Variants in MTBP observed in about 807,000 individuals in gnomAD.
MTBP encodes the protein mdm2-binding protein.
Under a neutral mutation model 117.0 loss-of-function variants are expected in MTBP, and 101 were observed. The ratio of observed to expected loss-of-function variants is 0.86; its 90% confidence interval spans 0.73 to 1.02. The LOEUF is 1.02. Ranked by LOEUF, MTBP falls within the 50% of genes least tolerant of loss-of-function variation. The pLI is 0.00. For missense variants in MTBP, 970 were observed against 1,030.9 expected, an observed-to-expected ratio of 0.94 and a Z score of 0.81; for synonymous variants, 350 against 351.5, an observed-to-expected ratio of 1.00 and a Z score of 0.05.
At chr8:120,460,404 A>G (rs1813558136) in intron 8 of MTBP, among the ~76,000 whole-genome samples, 1 of 152,134 alleles carries the variant, frequency 6.6e-6, no homozygotes, top group Admixed American at 6.6e-5. Context: ...TATGTTTATG[A>G]TTATAGATAT....
chr8:120,454,983 C>A (rs1813436888), intron 5 of MTBP, among the ~76,000 whole-genome samples: 2 of 151,748 alleles, frequency 1.3e-5, no homozygotes, highest in African/African-American at 2.4e-5. Context: ...AAAGAGACAT[C>A]ATTTATTTGA....
chr8:120,452,098 G>T (rs934762592), intron 4 of MTBP: 25 of 151,840 alleles, frequency 1.6e-4, no homozygotes, highest in Admixed American at 1.4e-3. Context: ...TTTTTCAATT[G>T]TGGTACAATA....
At position 120,456,628 on chromosome 8, in the gene MTBP, A is replaced by G; in HGVS notation, c.705A>G (p.Ser235=). ...AAGATCTCAGAAATGTTATTGACTC[A>G]AAGGAATTATGGAGGGGGAAAATAC... ...SLEDLRNVID[S]KELWRGKIQI... is the part of the protein sequence containing the mutation. The change falls in exon 7 of 22, where the codon TCA becomes TCG. Residue 235 remains serine, a synonymous_variant. Coordinates refer to ENST00000305949, the MANE Select transcript of MTBP (RefSeq NM_022045.5). The G allele has an allele frequency of 2.5e-6, 4 of 1,601,720 alleles. No individual in the cohort carries two copies. Among genetic ancestry groups the G allele is most frequent in the Non-Finnish European group, 3.4e-6 (4 of 1,171,914 alleles).
intron 17 of MTBP, among the ~76,000 whole-genome samples, 177 bp downstream of exon 17, chr8:120,510,206 T>C (rs943021918): frequency 6.6e-6 from 1 of 152,246 alleles, no homozygotes; most frequent in Non-Finnish European, 1.5e-5. Flanking sequence ...AAGAAGTTAT[T>C]TGATGATTAA....
At chr8:120,479,165 G>A (rs1563793996) in intron 11 of MTBP, among the ~76,000 whole-genome samples, 1 of 152,164 alleles carries the variant, frequency 6.6e-6, no homozygotes, top group Admixed American at 6.5e-5. Context: ...GAGAAGTTGT[G>A]TACTATGTTC....
intron 18 of MTBP, 73 bp from the exon 19 acceptor site, chr8:120,517,778 T>C: frequency 6.9e-7 from 1 of 1,446,728 alleles, no homozygotes; most frequent in Non-Finnish European, 9.4e-7. Flanking sequence ...AGTTGTAATA[T>C]TTAAGACAGA....
At chr8:120,496,496 C>A (rs1432517414) in intron 13 of MTBP, among the ~76,000 whole-genome samples, 1 of 152,160 alleles carries the variant, frequency 6.6e-6, no homozygotes, top group Non-Finnish European at 1.5e-5. Context: ...CTACCCCTAA[C>A]TCCACCCCTT....
chr8:120,446,691 G>A (rs1813235031), intron 2 of MTBP, among the ~76,000 whole-genome samples, 178 bp downstream of exon 2: 1 of 152,136 alleles, frequency 6.6e-6, no homozygotes, highest in South Asian at 2.1e-4. Flanking sequence ...TCTTCTAGAT[G>A]CTTGAATATA....
At chr8:120,493,768 G>A (rs1483063643) in intron 13 of MTBP, among the ~76,000 whole-genome samples, 1 of 152,126 alleles carries the variant, frequency 6.6e-6, no homozygotes, top group Non-Finnish European at 1.5e-5. Flanking sequence ...TGGGATTACA[G>A]GAGTGAGCCA....
chr8:120,501,420 G>A (rs925668009), intron 14 of MTBP, among the ~76,000 whole-genome samples: 5 of 151,338 alleles, frequency 3.3e-5, no homozygotes, highest in African/African-American at 9.7e-5. Flanking sequence ...ATAGTGGCAT[G>A]TACCTGTAAT....
chr8:120,523,296 A>G lies in MTBP; in HGVS notation c.2677-2A>G. On this transcript the variant is annotated splice_acceptor_variant, in intron 21 of 21. Coordinates refer to ENST00000305949, the MANE Select transcript of MTBP (RefSeq NM_022045.5). LOFTEE classifies it high-confidence loss of function. ...CTGTAATCATATTTTTTCTCCCCCT[A>G]GGTGATTGACTGGGTATTAGAAAAG... The G allele has an allele frequency of 2.6e-6, 4 of 1,546,910 alleles. No individual in the cohort carries two copies. Among genetic ancestry groups the G allele is most frequent in the Non-Finnish European group, 3.5e-6 (4 of 1,136,600 alleles).
chr8:120,456,556 C>G lies in MTBP; in HGVS notation c.633C>G (p.Asn211Lys). 6.8e-7 allele frequency: 1 copy of G among 1,475,012 alleles called. No homozygotes were observed. The highest frequency in any genetic ancestry group is 9.4e-7 in the Non-Finnish European group (1 of 1,068,690). The allele number at this position is 1,475,012 out of a possible 1,614,324, so 91.4% of individuals were successfully genotyped here. A position where few individuals can be genotyped will look rare whatever the true frequency, so the allele number is the denominator to read the frequency against. The change falls in exon 7 of 22, where the codon AAC (asparagine) becomes AAG (lysine). Residue 211 changes from asparagine to lysine, a missense_variant. Physicochemically the swap from Asn to Lys is moderately conservative, Grantham distance 94 (BLOSUM62 0). Transcript: ENST00000305949. ...TGTTGTAATCTTTTTTTTATAGAAA[C>G]TGTCAGAAAATTGCAGAATACCTTT... ...ITIAGNHCEINCQKIAEYLSA... is the reference protein window; with the variant it reads ...ITIAGNHCEIKCQKIAEYLSA...
chr8:120,476,638 AAC>A (rs1382820389), intron 11 of MTBP, among the ~76,000 whole-genome samples: 1 of 152,186 alleles, frequency 6.6e-6, no homozygotes, highest in African/African-American at 2.4e-5. Flanking sequence ...ATCATGAATG[AAC>A]TCCAATTCAC....
In MTBP at chr8:120,470,922, C is replaced by T; in HGVS notation, c.1150C>T (p.Pro384Ser). 1 of 1,596,308 alleles carries T rather than the reference C, an allele frequency of 6.3e-7. No individual in the cohort carries two copies. Among genetic ancestry groups the T allele is most frequent in the Non-Finnish European group, 8.6e-7 (1 of 1,164,974 alleles). ...RKWKEYIAKK[P>S]KTISVPDVEV... ...ATGGAAGGAATATATAGCTAAAAAG[C>T]CTAAAACAATCAGTGGTAAGTATTA... Residue 384 changes from proline (P) to serine (S), a missense_variant, in exon 11 of 22, where the codon CCT becomes TCT. Physicochemically the swap from Pro to Ser is moderately conservative, Grantham distance 74. Coordinates refer to ENST00000305949, the MANE Select transcript of MTBP (RefSeq NM_022045.5).
rs143996979 is a variant in MTBP, at chr8:120,461,958, G to T, written c.977+703G>T. Among the ~76,000 whole-genome samples, 1,232 of 152,206 alleles carry T rather than the reference G, an allele frequency of 8.1e-3. 10 individuals are homozygous for T. The highest frequency in any genetic ancestry group is 0.017 in the Middle Eastern group (5 of 294). On this transcript the variant is annotated intron_variant, in intron 9 of 21. Coordinates refer to ENST00000305949, the MANE Select transcript of MTBP (RefSeq NM_022045.5). Reference sequence around the variant, plus strand: ...ATTTTCTTATTGAAAGTTCTTTGCTGCAGAAAAGATAACATATACAAAGGT... The same window carrying T: ...ATTTTCTTATTGAAAGTTCTTTGCTTCAGAAAAGATAACATATACAAAGGT...
intron 11 of MTBP, among the ~76,000 whole-genome samples, chr8:120,480,171 T>C (rs1373994470): frequency 6.7e-6 from 1 of 148,208 alleles, no homozygotes; most frequent in Non-Finnish European, 1.5e-5. Context: ...GGACTTTCTA[T>C]AGAAATTGAC....
intron 10 of MTBP, 148 bp from the exon 11 acceptor site, chr8:120,470,672 T>C: frequency 1.8e-6 from 1 of 563,304 alleles, no homozygotes; most frequent in South Asian, 2.9e-5. Context: ...TTGTTCTTAC[T>C]TTTTAGTTTT....
intron 13 of MTBP, among the ~76,000 whole-genome samples, chr8:120,491,693 G>A (rs1563798898): frequency 6.6e-6 from 1 of 152,148 alleles, no homozygotes; most frequent in Admixed American, 6.5e-5. Context: ...CCAAAAACCC[G>A]TCAGGCCCTG....
At chr8:120,510,534 T>C (rs929030213) in intron 17 of MTBP, among the ~76,000 whole-genome samples, 2 of 152,190 alleles carry the variant, frequency 1.3e-5, no homozygotes, top group African/African-American at 2.4e-5. Flanking sequence ...GCAATACTAT[T>C]CAACTATAAC....
Sources: allele counts gnomAD v4.1 joint callset (sites outside exome capture counted in the v4.1 genomes callset), GRCh38; gene constraint gnomAD v4.1.1; transcripts MANE v1.5; gene names NCBI Gene and HGNC (gene_info 2026-07-23, HGNC 2026-07-21).